Variants in RCOR1 observed in about 807,000 individuals in gnomAD.
The protein encoded by RCOR1 is REST corepressor 1, also known as REST corepressor.
A neutral mutation model predicts 64.0 loss-of-function variants in RCOR1; 12 were observed. The observed-to-expected ratio is 0.19, with a 90% CI of 0.12 to 0.30. The LOEUF (loss-of-function observed/expected upper bound fraction) is 0.30, where lower values mean the gene tolerates loss of function less well. RCOR1 is among the 10% of genes least tolerant of loss of function. The pLI is 1.00. For missense variants in RCOR1, 502 were observed against 621.2 expected (o/e 0.81, Z 2.04); for synonymous variants, 279 against 227.2 (o/e 1.23, Z -2.05).
At chr14:102,629,585 G>A (rs1033067784) in intron 2 of RCOR1, among the ~76,000 whole-genome samples, 3 of 152,030 alleles carry the variant, frequency 2.0e-5, no homozygotes, top group African/African-American at 7.2e-5. Context: ...GCTTTTCCCA[G>A]GAGGTATACA....
intron 2 of RCOR1, among the ~76,000 whole-genome samples, chr14:102,638,048 C>A (rs924142428): frequency 3.3e-5 from 5 of 152,074 alleles, no homozygotes; most frequent in African/African-American, 9.7e-5. Context: ...AATTTAACTT[C>A]CCCCAGATTG....
chr14:102,706,883 A>G (rs1195101828), intron 4 of RCOR1, among the ~76,000 whole-genome samples: 1 of 151,872 alleles, frequency 6.6e-6, no homozygotes, highest in African/African-American at 2.4e-5. Context: ...AATTATTTAT[A>G]GTTTCTCTGT....
At chr14:102,713,154 A>G (rs1895995858) in intron 7 of RCOR1, among the ~76,000 whole-genome samples, 1 of 150,468 alleles carries the variant, frequency 6.6e-6, no homozygotes, top group Non-Finnish European at 1.5e-5. Context: ...GAGTTTCACC[A>G]TCTTGGCCAG....
intron 2 of RCOR1, among the ~76,000 whole-genome samples, chr14:102,612,094 A>G (rs1049015244): frequency 1.3e-5 from 2 of 152,002 alleles, no homozygotes; most frequent in African/African-American, 4.8e-5. Context: ...GGATTTTGCC[A>G]TCACATCTGG....
chr14:102,681,839 T>C (rs1318014137), intron 2 of RCOR1, 56 bp from the exon 3 acceptor site: 11 of 1,257,560 alleles, frequency 8.7e-6, no homozygotes, highest in Admixed American at 3.8e-5. Flanking sequence ...TTGTTACTTA[T>C]AGCTTATTAT....
chr14:102,629,644 C>T (rs1023583731), intron 2 of RCOR1, among the ~76,000 whole-genome samples: 1 of 152,136 alleles, frequency 6.6e-6, no homozygotes, highest in Non-Finnish European at 1.5e-5. Flanking sequence ...ACCTTTATTG[C>T]TCTACAAATG....
chr14:102,610,111 C>G (rs946620973), intron 2 of RCOR1, among the ~76,000 whole-genome samples: 7 of 145,198 alleles, frequency 4.8e-5, no homozygotes. Flanking sequence ...GCCTGGGCAA[C>G]AAGAGCGAAA....
chr14:102,640,555 A>T (rs1043655081), intron 2 of RCOR1, among the ~76,000 whole-genome samples: 1 of 152,146 alleles, frequency 6.6e-6, no homozygotes, highest in Non-Finnish European at 1.5e-5. Flanking sequence ...ATTAATTTTT[A>T]AAAAATGTAA....
In RCOR1 at chr14:102,593,300, G is replaced by A. The variant is rs760653989; in HGVS notation, c.336G>A (p.Gln112=). 3 of 1,549,900 alleles carry A rather than the reference G, an allele frequency of 1.9e-6. No individual in the cohort carries two copies. In the South Asian group the frequency reaches 3.6e-5, roughly 18 times the overall value. ...GGGMRVGPQY[Q]AVVPDFDPAK... is the part of the protein sequence containing the mutation. Reference sequence around the variant, plus strand: ...GCATGAGGGTCGGACCCCAGTACCAGGCGGTGGTGCCCGACTTCGACCCCG... The same window carrying A: ...GCATGAGGGTCGGACCCCAGTACCAAGCGGTGGTGCCCGACTTCGACCCCG... Residue 112 remains glutamine (Q), a synonymous_variant, in exon 2 of 12, where the codon CAG becomes CAA. Coordinates refer to ENST00000262241, the MANE Select transcript of RCOR1 (RefSeq NM_015156.4).
At position 102,722,352 on chromosome 14, in the gene RCOR1, C is replaced by G. The variant is rs746170398; in HGVS notation, c.1355C>G (p.Pro452Arg). ...AEHGKEETNGPSNQKPVKSPD... is the reference protein window; with the variant it reads ...AEHGKEETNGRSNQKPVKSPD... ...CATGGTAAAGAAGAGACCAATGGGC[C>G]CAGTAACCAGAAGCCTGTGAAGTCC... Residue 452 changes from proline to arginine, a missense_variant, in exon 11 of 12, where the codon CCC (proline) becomes CGC (arginine). By Grantham distance (103) the Pro-to-Arg change is moderately radical (BLOSUM62 -2). Transcript: ENST00000262241. The G allele has an allele frequency of 1.2e-5, 19 of 1,613,902 alleles. No homozygotes were observed. The highest frequency in any genetic ancestry group is 1.1e-4 in the African/African-American group (8 of 74,858).
Position 102,677,180 on chromosome 14 carries a change from C to G in RCOR1, c.362-4715C>G. 1.4e-5 allele frequency among the ~76,000 whole-genome samples: 2 copies of G among 142,054 alleles called. 1 individual carries two copies. Among genetic ancestry groups the G allele is most frequent in the Non-Finnish European group, 3.1e-5 (2 of 64,118 alleles). 93.2% of individuals were successfully genotyped at this position (142,054 alleles called of 152,430 possible). A position where few individuals can be genotyped will look rare whatever the true frequency, so the allele number is the denominator to read the frequency against. ...GGGCTGACCCCCCCCCACCTCCCTC[C>G]CGGACGGGGCGGCTGGCCGGGCAGG... On this transcript the variant is annotated intron_variant, in intron 2 of 11. Transcript: ENST00000262241.
intron 3 of RCOR1, among the ~76,000 whole-genome samples, chr14:102,696,808 CTTTTTTTTTTTTT>C (rs71305075): frequency 1.7e-5 from 1 of 57,404 alleles, no homozygotes; most frequent in Non-Finnish European, 3.4e-5. Context: ...ATCTGCTTAT[CTTTTTTTTTTTTT>C]TTTTTTTTTT....
intron 2 of RCOR1, among the ~76,000 whole-genome samples, chr14:102,670,947 T>C (rs1895021920): frequency 6.6e-6 from 1 of 151,940 alleles, no homozygotes; most frequent in Non-Finnish European, 1.5e-5. Flanking sequence ...CTAATTTTTG[T>C]ATTTTTAGTA....
intron 11 of RCOR1, among the ~76,000 whole-genome samples, chr14:102,726,048 G>A (rs1483517881): frequency 6.6e-6 from 1 of 152,154 alleles, no homozygotes; most frequent in East Asian, 1.9e-4. Flanking sequence ...AACATGGTGG[G>A]CTGGGCGTGG....
chr14:102,696,867 G>A (rs1217452776), intron 3 of RCOR1, among the ~76,000 whole-genome samples: 1 of 130,358 alleles, frequency 7.7e-6, no homozygotes, highest in African/African-American at 2.9e-5. Context: ...ATTTTCTTGG[G>A]TTGAAAGCTT....
chr14:102,616,240 G>GTGTGTGTGTGTGTGTGTA (rs1555462069), intron 2 of RCOR1, among the ~76,000 whole-genome samples: 1 of 103,332 alleles, frequency 9.7e-6, no homozygotes, highest in Admixed American at 9.3e-5. Context: ...GTGTGTGTGT[G>GTGTGTGTGTGTGTGTGTA]TGTGTGTGTA....
intron 2 of RCOR1, among the ~76,000 whole-genome samples, chr14:102,621,004 C>A (rs1473606940): frequency 1.3e-5 from 2 of 152,194 alleles, no homozygotes; most frequent in Non-Finnish European, 2.9e-5. Context: ...CATTAAATTT[C>A]TGGTCACCTA....
At chr14:102,692,452 C>CAA (rs1488392872) in intron 3 of RCOR1, among the ~76,000 whole-genome samples, 1 of 151,580 alleles carries the variant, frequency 6.6e-6, no homozygotes, top group East Asian at 2.0e-4. Flanking sequence ...CACACACACA[C>CAA]ACACACACAC....
At chr14:102,625,498 G>A (rs561415838) in intron 2 of RCOR1, among the ~76,000 whole-genome samples, 1 of 150,698 alleles carries the variant, frequency 6.6e-6, no homozygotes, top group East Asian at 1.9e-4. Flanking sequence ...GCCTCCCAAA[G>A]TGCTGGGATT....
Sources: gnomAD v4.1 joint callset for allele counts (sites outside exome capture counted in the v4.1 genomes callset) on GRCh38, gnomAD v4.1.1 for gene constraint, MANE v1.5 for transcripts, NCBI Gene and HGNC (gene_info 2026-07-23, HGNC 2026-07-21) for gene names.